The following ANKS1B variants were observed in gnomAD, a reference collection of about 807,000 sequenced individuals.
The protein encoded by ANKS1B is ankyrin repeat and sterile alpha motif domain-containing protein 1B.
Under a neutral mutation model 148.3 loss-of-function variants are expected in ANKS1B, and 36 were observed. That is an observed-to-expected ratio of 0.24 (90% CI 0.19 to 0.32). ANKS1B has a LOEUF of 0.32. Ranked by LOEUF, ANKS1B falls within the 10% of genes least tolerant of loss-of-function variation. The pLI is 1.00. For missense variants in ANKS1B, 1,157 were observed against 1,542.6 expected (o/e 0.75, Z 4.19); for synonymous variants, 542 against 560.8 (o/e 0.97, Z 0.47).
At chr12:99,717,189 T>A (rs1337772048) in intron 8 of ANKS1B, among the ~76,000 whole-genome samples, 1 of 152,062 alleles carries the variant, frequency 6.6e-6, no homozygotes, top group Non-Finnish European at 1.5e-5. Flanking sequence ...TCAATATACA[T>A]CTTATTACCC....
At chr12:99,381,892 CAG>C (rs1192299535) in intron 12 of ANKS1B, among the ~76,000 whole-genome samples, 9 of 152,126 alleles carry the variant, frequency 5.9e-5, no homozygotes, top group African/African-American at 2.2e-4. Context: ...TAAAACAAAA[CAG>C]TACCTCATTT....
At chr12:99,475,470 T>G (rs760585232) in intron 10 of ANKS1B, among the ~76,000 whole-genome samples, 5 of 151,696 alleles carry the variant, frequency 3.3e-5, no homozygotes, top group Non-Finnish European at 7.4e-5. Flanking sequence ...TTCATAGAAA[T>G]TGTATCATTT....
rs2068462461 is a variant in ANKS1B at position 99,812,189 on chromosome 12, T to C, written c.338A>G (p.His113Arg). 28 of 1,611,920 alleles carry C rather than the reference T, an allele frequency of 1.7e-5. No individual in the cohort carries two copies. The highest frequency in any genetic ancestry group is 2.4e-5 in the Non-Finnish European group (28 of 1,178,510). ...GDVEIVKILI[H>R]HGPSHSRVNE... is the part of the protein sequence containing the mutation. ...GACCCTGGAATGTGATGGTCCATGA[T>C]GAATAAGAATCTTCACAATTTCCAC... The change falls in exon 3 of 27, where the codon CAT becomes CGT. Residue 113 changes from histidine (H) to arginine (R), a missense_variant. His to Arg is a conservative substitution (Grantham distance 29). This residue lies in a region of ANKS1B where 164 missense variants were observed against 232.6 expected (regional missense o/e 0.71). Transcript: ENST00000683438.
intron 17 of ANKS1B, among the ~76,000 whole-genome samples, chr12:98,866,453 T>C (rs1013783636): frequency 6.6e-6 from 1 of 152,178 alleles, no homozygotes; most frequent in Non-Finnish European, 1.5e-5. Flanking sequence ...TCAGAATTCT[T>C]CCATGGCTCC....
intron 17 of ANKS1B, among the ~76,000 whole-genome samples, chr12:98,851,476 T>C (rs1047988168): frequency 6.6e-6 from 1 of 152,134 alleles, no homozygotes; most frequent in African/African-American, 2.4e-5. Context: ...CAACAGGACA[T>C]GTCTGTTTAT....
chr12:98,955,532 C>A (rs191997994), intron 17 of ANKS1B, among the ~76,000 whole-genome samples: 1 of 152,122 alleles, frequency 6.6e-6, no homozygotes, highest in South Asian at 2.1e-4. Flanking sequence ...AAGGCCACTG[C>A]AATAATACAG....
intron 1 of ANKS1B, among the ~76,000 whole-genome samples, chr12:99,969,621 A>G (rs2095534048): frequency 6.6e-6 from 1 of 152,268 alleles, no homozygotes; most frequent in South Asian, 2.1e-4. Flanking sequence ...TGCCAATAAT[A>G]TGAAACTGAT....
chr12:98,828,734 C>A (rs2099270784), intron 19 of ANKS1B, among the ~76,000 whole-genome samples: 1 of 152,152 alleles, frequency 6.6e-6, no homozygotes, highest in South Asian at 2.1e-4. Flanking sequence ...GCAACTAGTC[C>A]CAGTAGAGCA....
At chr12:98,840,471 G>T (rs751984223) in intron 17 of ANKS1B, among the ~76,000 whole-genome samples, 4 of 152,158 alleles carry the variant, frequency 2.6e-5, no homozygotes, top group Admixed American at 6.5e-5. Flanking sequence ...TCCAGAGAGA[G>T]CAAAGGATAG....
intron 9 of ANKS1B, among the ~76,000 whole-genome samples, chr12:99,608,552 C>A (rs1425720240): frequency 6.6e-6 from 1 of 152,084 alleles, no homozygotes; most frequent in Non-Finnish European, 1.5e-5. Context: ...ACTGGTCAAC[C>A]ACCATGAATC....
chr12:99,313,642 C>A (rs957088731), intron 12 of ANKS1B, among the ~76,000 whole-genome samples: 11 of 152,114 alleles, frequency 7.2e-5, no homozygotes, highest in Non-Finnish European at 1.5e-4. Context: ...TAATCCATCA[C>A]ATAAACAGAA....
intron 17 of ANKS1B, among the ~76,000 whole-genome samples, chr12:98,966,126 A>C (rs921856373): frequency 3.9e-5 from 6 of 152,218 alleles, no homozygotes; most frequent in Admixed American, 2.6e-4. Context: ...ACAGAATGGG[A>C]GAAAATTTTT....
intron 14 of ANKS1B, among the ~76,000 whole-genome samples, chr12:99,230,686 A>G (rs1211721868): frequency 1.3e-5 from 2 of 152,148 alleles, no homozygotes; most frequent in Non-Finnish European, 2.9e-5. Context: ...TGCTAAATAC[A>G]TTTTAGCGTC....
chr12:99,923,475 G>T (rs2094413422), intron 1 of ANKS1B, among the ~76,000 whole-genome samples: 1 of 152,150 alleles, frequency 6.6e-6, no homozygotes, highest in African/African-American at 2.4e-5. Context: ...ATCACTAAAG[G>T]ATTTAAAATA....
At position 98,851,712 on chromosome 12, in the gene ANKS1B, T is replaced by C. The variant is rs147983084; in HGVS notation, c.2779-19576A>G. Reference sequence around the variant, plus strand: ...TAAATACAAGCTGTTTCTGTTATGTTGAAGTAGACAGGAAACCAACCAAGG... The same window carrying C: ...TAAATACAAGCTGTTTCTGTTATGTCGAAGTAGACAGGAAACCAACCAAGG... On this transcript the variant is annotated intron_variant, in intron 17 of 26. Transcript: ENST00000683438. Among the ~76,000 whole-genome samples, 18 of 152,230 alleles carry C rather than the reference T, an allele frequency of 1.2e-4. No individual in the cohort carries two copies. The East Asian group carries it at 2.5e-3, about 21-fold the overall frequency.
chr12:99,342,956 ATAATT>A (rs1391755753), intron 12 of ANKS1B, among the ~76,000 whole-genome samples: 2 of 152,052 alleles, frequency 1.3e-5, no homozygotes, highest in East Asian at 1.9e-4. Flanking sequence ...CAAGAATACT[ATAATT>A]TATTTTTAAT....
chr12:98,861,957 A>AG lies in ANKS1B; in HGVS notation c.2779-29822dup, dbSNP rs139186992. On this transcript the variant is annotated intron_variant, in intron 17 of 26. Coordinates refer to ENST00000683438, the MANE Select transcript of ANKS1B (RefSeq NM_001352186.2). ...GGTGAGTGTTCTCTTATGACAGATG[A>AG]GTTTTTTTTTACCTTCCTGTTTCCA... Among the ~76,000 whole-genome samples the AG allele has an allele frequency of 8.9e-3, 1,351 of 152,098 alleles. 24 individuals are homozygous for AG. Among genetic ancestry groups the AG allele is most frequent in the African/African-American group, 0.031 (1,275 of 41,488 alleles).
At chr12:99,587,389 T>C (rs545673063) in intron 9 of ANKS1B, among the ~76,000 whole-genome samples, 4 of 152,198 alleles carry the variant, frequency 2.6e-5, no homozygotes, top group Admixed American at 6.5e-5. Context: ...CTGAGGAAAA[T>C]AGAAAGCCTA....
chr12:99,306,433 CCTA>C (rs1466177720), intron 12 of ANKS1B, among the ~76,000 whole-genome samples: 1 of 151,836 alleles, frequency 6.6e-6, no homozygotes, highest in Non-Finnish European at 1.5e-5. Flanking sequence ...TGTGTGTCTC[CCTA>C]CCCCCACCCC....
Sources: gnomAD v4.1 joint callset for allele counts (sites outside exome capture counted in the v4.1 genomes callset) on GRCh38, gnomAD v4.1.1 for gene constraint, gnomAD v4.1.1 regional missense constraint, MANE v1.5 for transcripts, NCBI Gene and HGNC (gene_info 2026-07-23, HGNC 2026-07-21) for gene names.